CNTNAP2: variants seen among roughly 807,000 people sequenced by gnomAD.
CNTNAP2 encodes contactin associated protein 2.
CNTNAP2 carries 98 observed loss-of-function variants against 155.2 expected under a neutral mutation model. The ratio of observed to expected loss-of-function variants is 0.63; its 90% CI spans 0.54 to 0.75. CNTNAP2 has a LOEUF of 0.75. CNTNAP2 is among the 30% of genes least tolerant of loss of function. The pLI is 0.00. For missense variants in CNTNAP2, 1,727 were observed against 1,688.1 expected (o/e 1.02, Z -0.40); for synonymous variants, 651 against 631.2 (o/e 1.03, Z -0.47).
At chr7:146,478,443 C>T (rs1360673098) in intron 1 of CNTNAP2, among the ~76,000 whole-genome samples, 2 of 152,038 alleles carry the variant, frequency 1.3e-5, no homozygotes, top group Admixed American at 1.3e-4. Context: ...CAACACCCTC[C>T]AAGCGGGGCC....
At chr7:147,910,031 C>G (rs2116762390) in intron 14 of CNTNAP2, among the ~76,000 whole-genome samples, 1 of 152,222 alleles carries the variant, frequency 6.6e-6, no homozygotes, top group South Asian at 2.1e-4. Context: ...AATCCATGAC[C>G]AACTTTTATA....
At chr7:148,216,096 T>C (rs1795634409) in intron 18 of CNTNAP2, among the ~76,000 whole-genome samples, 1 of 152,132 alleles carries the variant, frequency 6.6e-6, no homozygotes, top group South Asian at 2.1e-4. Context: ...GACCACAGGA[T>C]CCCTAAGGTG....
intron 14 of CNTNAP2, among the ~76,000 whole-genome samples, chr7:147,941,500 T>C (rs1800721205): frequency 6.6e-6 from 1 of 152,204 alleles, no homozygotes; most frequent in Non-Finnish European, 1.5e-5. Flanking sequence ...CACCGCCAAG[T>C]GACCTCACTG....
intron 2 of CNTNAP2, among the ~76,000 whole-genome samples, chr7:146,828,395 C>A (rs574109868): frequency 3.9e-5 from 6 of 152,092 alleles, no homozygotes; most frequent in African/African-American, 1.4e-4. Context: ...TTTTAACTTA[C>A]ATTTTAAATA....
chr7:146,790,106 A>G (rs1802644558), intron 2 of CNTNAP2, among the ~76,000 whole-genome samples: 1 of 152,078 alleles, frequency 6.6e-6, no homozygotes, highest in African/African-American at 2.4e-5. Flanking sequence ...TCCCAAGGGA[A>G]TTGATTCATT....
intron 11 of CNTNAP2, among the ~76,000 whole-genome samples, chr7:147,524,098 A>T (rs1224199383): frequency 6.6e-6 from 1 of 152,200 alleles, no homozygotes; most frequent in Non-Finnish European, 1.5e-5. Context: ...ACTCTCACAC[A>T]ACTGCACACA....
chr7:147,192,919 C>T (rs1013799427), intron 8 of CNTNAP2, among the ~76,000 whole-genome samples: 1 of 152,096 alleles, frequency 6.6e-6, no homozygotes, highest in Non-Finnish European at 1.5e-5. Context: ...ACTGGTTTTA[C>T]CCCAGACTAG....
intron 3 of CNTNAP2, among the ~76,000 whole-genome samples, chr7:146,973,898 T>C (rs1235476327): frequency 1.3e-5 from 2 of 152,322 alleles, no homozygotes; most frequent in East Asian, 1.9e-4. Flanking sequence ...GATGACTTCA[T>C]GAATATGAAT....
intron 8 of CNTNAP2, among the ~76,000 whole-genome samples, chr7:147,182,316 TG>T (rs1802477888): frequency 6.6e-6 from 1 of 152,062 alleles, no homozygotes; most frequent in South Asian, 2.1e-4. Flanking sequence ...TATTGGTAAA[TG>T]TTTTTTGGGG....
At chr7:148,262,720 C>T (rs1401706830) in intron 20 of CNTNAP2, among the ~76,000 whole-genome samples, 1 of 152,144 alleles carries the variant, frequency 6.6e-6, no homozygotes, top group African/African-American at 2.4e-5. Flanking sequence ...TGTAAAGCCC[C>T]TCTTGCCAAG....
intron 13 of CNTNAP2, among the ~76,000 whole-genome samples, chr7:147,895,999 TC>T (rs1389044347): frequency 6.6e-6 from 1 of 152,216 alleles, no homozygotes; most frequent in Non-Finnish European, 1.5e-5. Flanking sequence ...TAACTTATTT[TC>T]CTAGGAAAAA....
chr7:147,366,146 T>C (rs183532260), intron 9 of CNTNAP2, among the ~76,000 whole-genome samples: 314 of 152,310 alleles, frequency 2.1e-3, no homozygotes, highest in Middle Eastern at 3.4e-3. Flanking sequence ...AGGCGTGCTG[T>C]TCTTTGTAGA....
At chr7:148,316,981 A>G (rs1241730029) in intron 21 of CNTNAP2, among the ~76,000 whole-genome samples, 2 of 152,220 alleles carry the variant, frequency 1.3e-5, no homozygotes, top group African/African-American at 4.8e-5. Context: ...GGGGTCATTA[A>G]AAACTCCATA....
intron 8 of CNTNAP2, among the ~76,000 whole-genome samples, chr7:147,286,262 G>A (rs1268397443): frequency 6.6e-6 from 1 of 151,576 alleles, no homozygotes; most frequent in East Asian, 1.9e-4. Context: ...CAAAAATAAA[G>A]GTCTAAAAAT....
chr7:147,572,148 G>A (rs536151509), intron 12 of CNTNAP2, among the ~76,000 whole-genome samples: 3 of 152,184 alleles, frequency 2.0e-5, no homozygotes, highest in South Asian at 2.1e-4. Context: ...TCTCCGTAAC[G>A]GATTACCCAC....
chr7:148,217,516 A>G lies in CNTNAP2; in HGVS notation c.3239A>G (p.Lys1080Arg). The change falls in exon 19 of 24, where the codon AAA (lysine) becomes AGA (arginine). Residue 1080 changes from lysine (K) to arginine (R), a missense_variant. By Grantham distance (26) the Lys-to-Arg change is conservative (BLOSUM62 2). Coordinates refer to ENST00000361727, the MANE Select transcript of CNTNAP2 (RefSeq NM_014141.6). Reference sequence around the variant, plus strand: ...ACAGACTTCTTGGCAGTCCTCGTCAAACCCACTGGTAAGGACAAGGATACC... The same window carrying G: ...ACAGACTTCTTGGCAGTCCTCGTCAGACCCACTGGTAAGGACAAGGATACC... The part of the protein sequence containing the change: ...FTTDFLAVLV[K>R]PTGSLQIRYN... 5.0e-6 allele frequency: 8 copies of G among 1,614,150 alleles called. No homozygotes were observed. Among genetic ancestry groups the G allele is most frequent in the Non-Finnish European group, 6.8e-6 (8 of 1,180,010 alleles).
chr7:146,673,882 G>A (rs972926324), intron 1 of CNTNAP2, among the ~76,000 whole-genome samples: 10 of 152,066 alleles, frequency 6.6e-5, no homozygotes, highest in African/African-American at 1.2e-4. Flanking sequence ...TGCACCTGCT[G>A]GAGCACTAAT....
At chr7:147,550,217 G>T (rs1273447919) in intron 11 of CNTNAP2, among the ~76,000 whole-genome samples, 1 of 152,150 alleles carries the variant, frequency 6.6e-6, no homozygotes, top group Non-Finnish European at 1.5e-5. Flanking sequence ...TTTTTTGAGA[G>T]AGCTGAGTGA....
chr7:147,638,426 A>T (rs17170626), intron 12 of CNTNAP2, among the ~76,000 whole-genome samples: 16,071 of 152,246 alleles, frequency 0.11, 1,086 homozygotes, highest in Admixed American at 0.21. Flanking sequence ...AGGTTCTTAG[A>T]GATGCTTCTA....
Sources: gnomAD v4.1 joint callset for allele counts (sites outside exome capture counted in the v4.1 genomes callset) on GRCh38, gnomAD v4.1.1 for gene constraint, MANE v1.5 for transcripts, NCBI Gene and HGNC (gene_info 2026-07-23, HGNC 2026-07-21) for gene names.